SDK2: variants seen among roughly 807,000 people sequenced by gnomAD.
SDK2 encodes protein sidekick-2.
SDK2 carries 105 observed loss-of-function variants against 253.9 expected under a neutral mutation model. The observed-to-expected ratio is 0.41, with a 90% CI of 0.35 to 0.49. The LOEUF is 0.49. Ranked by LOEUF, SDK2 falls within the 20% of genes least tolerant of loss-of-function variation. The pLI is 0.06. For synonymous variants in SDK2, 1,249 were observed against 1,234.9 expected (o/e 1.01, Z -0.24); for missense variants, 2,608 against 3,003.0 (o/e 0.87, Z 3.07).
chr17:73,435,639 G>T lies in SDK2; in HGVS notation c.1006C>A (p.Pro336Thr), dbSNP rs867254116. 2 of 1,558,314 alleles carry T rather than the reference G, an allele frequency of 1.3e-6. No individual in the cohort carries two copies. The highest frequency in any genetic ancestry group is 1.7e-6 in the Non-Finnish European group (2 of 1,151,056). ...TTGTACCAGGTGATGGAGGGCGGCG[G>T]CACACCTGTGGGCAAGACGTGGGCC... ...VDIPCQAKGV[P>T]PPSITWYKDA... Residue 336 changes from proline (P) to threonine (T), a missense_variant, in exon 9 of 45, where the codon CCG (proline) becomes ACG (threonine). Pro to Thr is a conservative substitution (Grantham distance 38, BLOSUM62 -1). Coordinates refer to ENST00000392650, the MANE Select transcript of SDK2 (RefSeq NM_001144952.2). The surrounding 1 kb of genome is among the most constrained non-coding windows in gnomAD (Gnocchi z 5.7).
intron 1 of SDK2, among the ~76,000 whole-genome samples, chr17:73,555,435 C>T (rs1042554468): frequency 9.2e-5 from 14 of 152,184 alleles, no homozygotes; most frequent in Admixed American, 4.6e-4. Flanking sequence ...TTGGACTCCG[C>T]GCAGCTCATC....
At chr17:73,514,532 G>C (rs144320818) in intron 1 of SDK2, among the ~76,000 whole-genome samples, 1,789 of 152,278 alleles carry the variant, frequency 0.012, 39 homozygotes, top group African/African-American at 0.041. Context: ...CGCACCTCCT[G>C]TGGAGCCATT....
At position 73,338,661 on chromosome 17, in the gene SDK2, T is replaced by C; in HGVS notation, c.6445A>G (p.Thr2149Ala). ...AGGCTGCTGGGGGGACGGTAGAGGG[T>C]GCTCTGCTGACTTGGGGGGTTAGGG... ...NPPNPPSQQSTLYRPPSSLAP... is the reference protein window; with the variant it reads ...NPPNPPSQQSALYRPPSSLAP... The change falls in exon 45 of 45, where the codon ACC (threonine) becomes GCC (alanine). Residue 2149 changes from threonine to alanine, a missense_variant. Around this residue, in one of 2 missense-constraint regions of SDK2, gnomAD observed 1,103 missense variants for 1,143.9 expected, o/e 0.96. Transcript: ENST00000392650. The surrounding 1 kb of genome is among the most constrained non-coding windows in gnomAD (Gnocchi z 5.0). 1 of 1,568,742 alleles carries C rather than the reference T, an allele frequency of 6.4e-7. No individual in the cohort carries two copies. The highest frequency in any genetic ancestry group is 1.2e-5 in the South Asian group (1 of 83,686).
rs766101018 is a variant in SDK2 at position 73,358,169 on chromosome 17, G to A, written c.5503C>T (p.Arg1835Trp). The change falls in exon 40 of 45, where the codon CGG becomes TGG. Residue 1835 changes from arginine to tryptophan, a missense_variant. Around this residue, in one of 2 missense-constraint regions of SDK2, gnomAD observed 1,103 missense variants for 1,143.9 expected, o/e 0.96. Transcript: ENST00000392650. ...TGAATGGCGATGGCAGAGCTGTACC[G>A]CACGATGATGGGCACGCCAGGCGGT... is the stretch of plus-strand genomic sequence containing the variant. ...PGPPGVPIIVRYSSAIAIHWS... is the reference protein window; with the variant it reads ...PGPPGVPIIVWYSSAIAIHWS... 1.1e-5 allele frequency: 17 copies of A among 1,609,836 alleles called. No individual in the cohort carries two copies. Among genetic ancestry groups the A allele is most frequent in the East Asian group, 8.9e-5 (4 of 44,842 alleles).
intron 17 of SDK2, 38 bp downstream of exon 17, chr17:73,415,773 G>C (rs1215146072): frequency 8.5e-6 from 13 of 1,524,426 alleles, no homozygotes; most frequent in Non-Finnish European, 9.8e-6. Context: ...ACACGCATGA[G>C]CCACCGCGCC....
Position 73,393,652 on chromosome 17 carries a change from T to C in SDK2, c.3806A>G (p.Tyr1269Cys). Reference sequence around the variant, plus strand: ...CAGCACCTGGACTTCATAGAGCACGTATTTGCCCAAGCCGGTGAGCTGGGC... The same window carrying C: ...CAGCACCTGGACTTCATAGAGCACGCATTTGCCCAAGCCGGTGAGCTGGGC... ...RSAQLTGLGK[Y>C]VLYEVQVLAF... Residue 1269 changes from tyrosine to cysteine, a missense_variant, in exon 27 of 45, where the codon TAC becomes TGC. Coordinates refer to ENST00000392650, the MANE Select transcript of SDK2 (RefSeq NM_001144952.2). 2 of 1,601,202 alleles carry C rather than the reference T, an allele frequency of 1.2e-6. No homozygotes were observed. Among genetic ancestry groups the C allele is most frequent in the Non-Finnish European group, 1.7e-6 (2 of 1,170,476 alleles).
chr17:73,379,291 C>T lies in SDK2; in HGVS notation c.4866G>A (p.Val1622=), dbSNP rs575492454. The stretch of plus-strand genomic sequence containing the variant: ...CCACGTTACGAGGTGCTGCTGTGGG[C>T]ACTGGAGGGCGTGCAGGGTAGGCAG... ...PPQEVFVGEA[V]PTAAPRNVVV... is the part of the protein sequence containing the mutation. The change falls in exon 36 of 45, where the codon GTG becomes GTA. Residue 1622 remains valine, a splice_region_variant and synonymous_variant. Coordinates refer to ENST00000392650, the MANE Select transcript of SDK2 (RefSeq NM_001144952.2). This position sits in a 1 kb window ranked among gnomAD's most constrained non-coding sequence, Gnocchi z 4.5. 3.9e-6 allele frequency: 6 copies of T among 1,553,332 alleles called. No homozygotes were observed. In the South Asian group the frequency reaches 7.1e-5, roughly 18 times the overall value.
At position 73,609,681 on chromosome 17, in the gene SDK2, A is replaced by G. The variant is rs56244806; in HGVS notation, c.64+34344T>C. On this transcript the variant is annotated intron_variant, in intron 1 of 44. Coordinates refer to ENST00000392650, the MANE Select transcript of SDK2 (RefSeq NM_001144952.2). The surrounding 1 kb of genome is among the most constrained non-coding windows in gnomAD (Gnocchi z 4.4). ...ATGACTTTCAAGGGAGGTAATGGGT[A>G]CCCTCTTACCTACGTGCAGTTTACA... Among the ~76,000 whole-genome samples, 29,854 of 152,070 alleles carry G rather than the reference A, an allele frequency of 0.2. 3,195 individuals are homozygous for G. The highest frequency in any genetic ancestry group is 0.28 in the African/African-American group (11,476 of 41,472).
intron 22 of SDK2, among the ~76,000 whole-genome samples, chr17:73,398,831 T>A (rs1443442825): frequency 6.6e-6 from 1 of 152,096 alleles, no homozygotes; most frequent in African/African-American, 2.4e-5. Context: ...TCAGAGTTTC[T>A]GGGGTAGGGG....
At chr17:73,537,693 A>AG (rs2044800817) in intron 1 of SDK2, among the ~76,000 whole-genome samples, 1 of 152,024 alleles carries the variant, frequency 6.6e-6, no homozygotes. Context: ...CAACTCAGGG[A>AG]GGGAGAATTG....
At chr17:73,400,913 G>T (rs533857202) in intron 21 of SDK2, 107 bp downstream of exon 21, 21 of 1,098,100 alleles carry the variant, frequency 1.9e-5, no homozygotes, top group Middle Eastern at 3.1e-4. Context: ...CTCCCAAGGT[G>T]CTGGGACTAC....
intron 2 of SDK2, among the ~76,000 whole-genome samples, chr17:73,493,912 G>T (rs2063824367): frequency 2.0e-5 from 3 of 152,110 alleles, no homozygotes; most frequent in Non-Finnish European, 4.4e-5. Context: ...CCCACCTACA[G>T]CTCTCTGTGG....
chr17:73,358,373 G>A (rs1031003363), intron 39 of SDK2, among the ~76,000 whole-genome samples, 169 bp from the exon 40 acceptor site: 1 of 152,170 alleles, frequency 6.6e-6, no homozygotes, highest in African/African-American at 2.4e-5. Flanking sequence ...GGCTGGGCCT[G>A]CCAGGATGGA....
intron 1 of SDK2, among the ~76,000 whole-genome samples, chr17:73,615,444 C>T (rs1163728442): frequency 6.6e-6 from 1 of 152,206 alleles, no homozygotes; most frequent in Non-Finnish European, 1.5e-5. Flanking sequence ...AAGTCTCTTT[C>T]TAGGTTTCTC....
At chr17:73,535,807 G>C (rs939945875) in intron 1 of SDK2, among the ~76,000 whole-genome samples, 4 of 152,098 alleles carry the variant, frequency 2.6e-5, no homozygotes, top group Non-Finnish European at 5.9e-5. Flanking sequence ...TAGGAACCTG[G>C]GTGAGGTCAG....
At chr17:73,607,548 G>A (rs570907317) in intron 1 of SDK2, among the ~76,000 whole-genome samples, 1 of 152,202 alleles carries the variant, frequency 6.6e-6, no homozygotes, top group Admixed American at 6.5e-5. Context: ...GAGAGCAGGT[G>A]TCAGGAGTAG....
intron 34 of SDK2, 46 bp downstream of exon 34, chr17:73,380,848 T>C (rs775589284): frequency 1.2e-5 from 18 of 1,508,508 alleles, no homozygotes; most frequent in Non-Finnish European, 1.5e-5. Context: ...CCCAATCCCC[T>C]GCGAGGCCTG....
At chr17:73,492,847 G>A (rs757832513) in intron 2 of SDK2, among the ~76,000 whole-genome samples, 6 of 151,898 alleles carry the variant, frequency 4.0e-5, no homozygotes, top group South Asian at 2.1e-4. Context: ...CAGGCGCCAC[G>A]GCAGCCCCCA....
chr17:73,608,852 G>A (rs2045939520), intron 1 of SDK2, among the ~76,000 whole-genome samples: 1 of 152,234 alleles, frequency 6.6e-6, no homozygotes, highest in East Asian at 1.9e-4. Flanking sequence ...CGTGGCTACT[G>A]TCTATTGTGA....
Sources: allele counts gnomAD v4.1 joint callset (sites outside exome capture counted in the v4.1 genomes callset), GRCh38; gene constraint gnomAD v4.1.1; regional missense constraint gnomAD v4.1.1; non-coding constraint Gnocchi (gnomAD v3.1); transcripts MANE v1.5; gene names NCBI Gene and HGNC (gene_info 2026-07-23, HGNC 2026-07-21).